ZNF613: variants seen among roughly 807,000 people sequenced by gnomAD.
ZNF613 encodes the protein zinc finger protein 613.
A neutral mutation model predicts 14.3 loss-of-function variants in ZNF613; 8 were observed. The observed-to-expected ratio is 0.56, with a 90% CI of 0.33 to 1.01. The LOEUF is 1.01. ZNF613 is among the 50% of genes least tolerant of loss of function. The pLI, the probability that ZNF613 is intolerant of heterozygous loss-of-function variation, is 0.03. For synonymous variants in ZNF613, 228 were observed against 254.5 expected (o/e 0.90, Z 0.99); for missense variants, 656 against 741.9 (o/e 0.88, Z 1.35).
At chr19:51,930,504 C>T (rs991858457) in intron 2 of ZNF613, among the ~76,000 whole-genome samples, 2 of 152,096 alleles carry the variant, frequency 1.3e-5, no homozygotes, top group South Asian at 2.1e-4. Context: ...TCAGCTGATC[C>T]GCCCACCTCA....
chr19:51,933,560 C>T (rs2085283565), intron 2 of ZNF613, among the ~76,000 whole-genome samples: 1 of 152,098 alleles, frequency 6.6e-6, no homozygotes, highest in Non-Finnish European at 1.5e-5. Context: ...CCTCCCACCT[C>T]AGCCTCCCAA....
chr19:51,940,766 G>A (rs1336828590), intron 5 of ZNF613, 57 bp downstream of exon 5: 1 of 1,444,356 alleles, frequency 6.9e-7, no homozygotes. Flanking sequence ...CATGATAGTT[G>A]TTCAGCAGTG....
At chr19:51,943,677 A>C (rs1204371744) in intron 5 of ZNF613, among the ~76,000 whole-genome samples, 1 of 152,256 alleles carries the variant, frequency 6.6e-6, no homozygotes, top group East Asian at 1.9e-4. Context: ...AGGAAAAAAC[A>C]TAATGGATAT....
At chr19:51,929,996 C>T (rs2122803424) in intron 2 of ZNF613, 100 bp downstream of exon 2, 1 of 152,270 alleles carries the variant, frequency 6.6e-6, no homozygotes, top group South Asian at 2.1e-4. Flanking sequence ...GTCTATTAGT[C>T]CCATACTGTA....
At chr19:51,928,779 C>T (rs117629968) in intron 1 of ZNF613, among the ~76,000 whole-genome samples, 2,785 of 150,102 alleles carry the variant, frequency 0.019, 42 homozygotes, top group Admixed American at 0.022. Flanking sequence ...CACGTGACCC[C>T]GGGAGTTCTA....
intron 5 of ZNF613, among the ~76,000 whole-genome samples, chr19:51,942,169 T>C (rs557251937): frequency 4.6e-5 from 7 of 152,322 alleles, no homozygotes; most frequent in East Asian, 1.9e-4. Context: ...AAGCCAACTA[T>C]ATATAAAGCA....
rs766889099 is a variant in ZNF613 at position 51,944,100 on chromosome 19, T to TTG, written c.236-17_236-16dup. The TTG allele has an allele frequency of 2.7e-5, 41 of 1,513,328 alleles. No individual in the cohort carries two copies. Among genetic ancestry groups the TTG allele is most frequent in the Non-Finnish European group, 3.4e-5 (39 of 1,133,162 alleles). 93.7% of individuals were successfully genotyped at this position (1,513,328 alleles called of 1,614,324 possible). A position where few individuals can be genotyped will look rare whatever the true frequency, so the allele number is the denominator to read the frequency against. On this transcript the variant is annotated intron_variant, in intron 5 of 5. Coordinates refer to ENST00000293471, the MANE Select transcript of ZNF613 (RefSeq NM_001031721.4). ...TATTCCATGCTCATGGAAAGATTTA[T>TTG]TGTTCTCTTCTTTCCTAGAAATCAA...
chr19:51,930,247 G>C (rs1049730540), intron 2 of ZNF613, among the ~76,000 whole-genome samples: 2 of 151,450 alleles, frequency 1.3e-5, no homozygotes, highest in Non-Finnish European at 2.9e-5. Context: ...TTTGTGACTG[G>C]TTTCTTTCAC....
Position 51,945,696 on chromosome 19 carries a change from A to G in ZNF613, c.1813A>G (p.Arg605Gly). 6.2e-7 allele frequency: 1 copy of G among 1,614,198 alleles called. No homozygotes were observed. Among genetic ancestry groups the G allele is most frequent in the South Asian group, 1.1e-5 (1 of 91,084 alleles). ...AGCCATTGTGAGCCAGCCTGTTGCC[A>G]GAAGTTCAGTCTCAGCAGATAGTAG... Reference protein sequence around the residue: ...KVAIVSQPVARSSVSADSRIC... With the variant: ...KVAIVSQPVAGSSVSADSRIC... Residue 605 changes from arginine (R) to glycine (G), a missense_variant, in exon 6 of 6, where the codon AGA becomes GGA. Physicochemically the swap from Arg to Gly is moderately radical, Grantham distance 125. Coordinates refer to ENST00000293471, the MANE Select transcript of ZNF613 (RefSeq NM_001031721.4).
At chr19:51,928,581 G>A (rs1459116537) in intron 1 of ZNF613, among the ~76,000 whole-genome samples, 1 of 152,206 alleles carries the variant, frequency 6.6e-6, no homozygotes, top group Admixed American at 6.5e-5. Context: ...TGGTAAGGTG[G>A]CCTGGCGCGG....
At chr19:51,934,235 G>T (rs2085289147) in intron 2 of ZNF613, among the ~76,000 whole-genome samples, 1 of 151,924 alleles carries the variant, frequency 6.6e-6, no homozygotes, top group Non-Finnish European at 1.5e-5. Flanking sequence ...TTGAGTTTTT[G>T]ATTTTTCGAT....
At chr19:51,937,278 T>G (rs555045569) in intron 3 of ZNF613, among the ~76,000 whole-genome samples, 1 of 152,342 alleles carries the variant, frequency 6.6e-6, no homozygotes, top group African/African-American at 2.4e-5. Flanking sequence ...GACCTCACAC[T>G]TGTGACTGGT....
At chr19:51,929,697 A>C (rs2085248517) in intron 1 of ZNF613, 35 bp from the exon 2 acceptor site, 1 of 151,754 alleles carries the variant, frequency 6.6e-6, no homozygotes, top group African/African-American at 2.4e-5. Flanking sequence ...TCATCCTTCT[A>C]CTCATCATTA....
chr19:51,944,838 AGCCTGTGTGGGAAG>A lies in ZNF613; in HGVS notation c.960_973del (p.Cys321LeufsTer8). 6.2e-7 allele frequency: 1 copy of A among 1,614,022 alleles called. No individual in the cohort carries two copies. Among genetic ancestry groups the A allele is most frequent in the South Asian group, 1.1e-5 (1 of 91,078 alleles). On this transcript the variant is annotated frameshift_variant, in exon 6 of 6. Coordinates refer to ENST00000293471, the MANE Select transcript of ZNF613 (RefSeq NM_001031721.4). LOFTEE classifies it low-confidence loss of function (END_TRUNC). ...TACAGGAGAGAAACCACATGGATGC[AGCCTGTGTGGGAAG>A]GCCTTCTCCAAAAGGTCCAGGCTCA... is the stretch of plus-strand genomic sequence containing the variant.
At position 51,945,448 on chromosome 19, in the gene ZNF613, C is replaced by G; in HGVS notation, c.1565C>G (p.Ser522Cys). Reference sequence around the variant, plus strand: ...TGCTCTGATTGTGGGAAAGCTTTCTCCCACTTGTCATGCCTTGTTTATCAT... The same window carrying G: ...TGCTCTGATTGTGGGAAAGCTTTCTGCCACTTGTCATGCCTTGTTTATCAT... ...YGCSDCGKAF[S>C]HLSCLVYHKG... is the part of the protein sequence containing the mutation. Residue 522 changes from serine to cysteine, a missense_variant, in exon 6 of 6, where the codon TCC (serine) becomes TGC (cysteine). Ser to Cys is a moderately radical substitution (Grantham distance 112). Coordinates refer to ENST00000293471, the MANE Select transcript of ZNF613 (RefSeq NM_001031721.4). 3.1e-6 allele frequency: 5 copies of G among 1,614,146 alleles called. No individual in the cohort carries two copies. Among genetic ancestry groups the G allele is most frequent in the Non-Finnish European group, 4.2e-6 (5 of 1,180,012 alleles).
In ZNF613 at chr19:51,945,319, C is replaced by T. The variant is rs757643144; in HGVS notation, c.1436C>T (p.Thr479Ile). 140 of 1,614,138 alleles carry T rather than the reference C, an allele frequency of 8.7e-5. No homozygotes were observed. The highest frequency in any genetic ancestry group is 1.1e-4 in the Non-Finnish European group (126 of 1,180,016). ...CTCATTAACCACCAGAGAATTCACA[C>T]AGGAGAGAAACCCTATACATGCAGT... is the stretch of plus-strand genomic sequence containing the variant. ...SGLINHQRIH[T>I]GEKPYTCSDC... The change falls in exon 6 of 6, where the codon ACA becomes ATA. Residue 479 changes from threonine to isoleucine, a missense_variant. Thr to Ile is a moderately conservative substitution (Grantham distance 89). Transcript: ENST00000293471.
intron 5 of ZNF613, among the ~76,000 whole-genome samples, chr19:51,941,392 A>C (rs1397522231): frequency 6.6e-6 from 1 of 152,194 alleles, no homozygotes; most frequent in Non-Finnish European, 1.5e-5. Context: ...GTCTGTCTCC[A>C]AAGAGTGGTC....
chr19:51,945,361 T>C lies in ZNF613; in HGVS notation c.1478T>C (p.Phe493Ser), dbSNP rs781297208. ...PYTCSDCGKA[F>S]RDKSCLNRHR... ...ACATGCAGTGACTGTGGGAAAGCTTTCAGAGATAAATCATGTCTCAACAGA... is the reference window on the plus strand; with the variant it reads ...ACATGCAGTGACTGTGGGAAAGCTTCCAGAGATAAATCATGTCTCAACAGA... The change falls in exon 6 of 6, where the codon TTC becomes TCC. Residue 493 changes from phenylalanine (F) to serine (S), a missense_variant. By Grantham distance (155) the Phe-to-Ser change is radical. Transcript: ENST00000293471. The C allele has an allele frequency of 1.2e-6, 2 of 1,614,096 alleles. No homozygotes were observed. Among genetic ancestry groups the C allele is most frequent in the South Asian group, 2.2e-5 (2 of 91,080 alleles).
chr19:51,929,219 T>A (rs1266245529), intron 1 of ZNF613, among the ~76,000 whole-genome samples: 1 of 152,116 alleles, frequency 6.6e-6, no homozygotes, highest in African/African-American at 2.4e-5. Context: ...GTTTAAAAAT[T>A]TTTTTTTAAG....
Sources: gnomAD v4.1 joint callset for allele counts (sites outside exome capture counted in the v4.1 genomes callset) on GRCh38, gnomAD v4.1.1 for gene constraint, MANE v1.5 for transcripts, NCBI Gene and HGNC (gene_info 2026-07-23, HGNC 2026-07-21) for gene names.